The following CNBD1 variants were observed in gnomAD, a reference collection of about 807,000 sequenced individuals.
CNBD1 encodes cyclic nucleotide binding domain containing 1.
CNBD1 carries 71 observed loss-of-function variants against 54.4 expected under a neutral mutation model. The ratio of observed to expected loss-of-function variants is 1.30; its 90% CI spans 1.08 to 1.59. The LOEUF (loss-of-function observed/expected upper bound fraction) is 1.59, where lower values mean the gene tolerates loss of function less well. Ranked by LOEUF, CNBD1 falls within the 40% of genes most tolerant of loss-of-function variation. The pLI is 0.00. For synonymous variants in CNBD1, 182 were observed against 170.7 expected, an observed-to-expected ratio of 1.07 and a Z score of -0.51; for missense variants, 659 against 518.0, an observed-to-expected ratio of 1.27 and a Z score of -2.64.
intron 8 of CNBD1, among the ~76,000 whole-genome samples, chr8:87,292,226 T>C (rs1808800928): frequency 6.6e-6 from 1 of 152,196 alleles, no homozygotes; most frequent in African/African-American, 2.4e-5. Context: ...CAACCATTAA[T>C]AATGCTGAAA....
chr8:86,957,071 G>A (rs1259850297), intron 4 of CNBD1, among the ~76,000 whole-genome samples: 1 of 152,130 alleles, frequency 6.6e-6, no homozygotes, highest in Admixed American at 6.6e-5. Flanking sequence ...GGCTTTTTCT[G>A]CATCTGTTGA....
intron 4 of CNBD1, among the ~76,000 whole-genome samples, chr8:87,008,027 C>T (rs73689990): frequency 0.028 from 4,273 of 152,196 alleles, 189 homozygotes; most frequent in African/African-American, 0.095. Flanking sequence ...TGTTTTCATA[C>T]GGATTTTAAA....
At chr8:87,375,463 GTAGA>G (rs2130953145) in intron 10 of CNBD1, among the ~76,000 whole-genome samples, 1 of 151,742 alleles carries the variant, frequency 6.6e-6, no homozygotes, top group Admixed American at 6.6e-5. Context: ...AGAAATATCT[GTAGA>G]TAAAGTTATC....
At chr8:87,146,674 T>G (rs540742708) in intron 4 of CNBD1, among the ~76,000 whole-genome samples, 1 of 152,244 alleles carries the variant, frequency 6.6e-6, no homozygotes, top group East Asian at 1.9e-4. Context: ...CCTCTTTTTC[T>G]CTTACTCCTG....
At chr8:87,374,086 TC>T (rs1262235485) in intron 10 of CNBD1, among the ~76,000 whole-genome samples, 1 of 151,682 alleles carries the variant, frequency 6.6e-6, no homozygotes, top group Non-Finnish European at 1.5e-5. Flanking sequence ...CCTAAAAAAT[TC>T]CTTACAAAAT....
intron 4 of CNBD1, among the ~76,000 whole-genome samples, chr8:87,099,054 A>AAC (rs1586255291): frequency 6.7e-6 from 1 of 150,318 alleles, no homozygotes; most frequent in East Asian, 1.9e-4. Context: ...AAAAAAAAAA[A>AAC]AAAAAACAAA....
chr8:87,291,675 G>T (rs1332449004), intron 8 of CNBD1, among the ~76,000 whole-genome samples: 4 of 152,074 alleles, frequency 2.6e-5, no homozygotes, highest in African/African-American at 9.6e-5. Flanking sequence ...CAGGGGACAA[G>T]GTCTCATTAT....
chr8:87,006,762 ACTCCTCCTCTTTAAT>A (rs1403790260), intron 4 of CNBD1, among the ~76,000 whole-genome samples: 1 of 151,686 alleles, frequency 6.6e-6, no homozygotes, highest in Admixed American at 6.6e-5. Context: ...TCAGATGACA[ACTCCTCCTCTTTAAT>A]CTCCTCCTCT....
intron 2 of CNBD1, among the ~76,000 whole-genome samples, chr8:87,409,663 T>A (rs1807707108): frequency 1.3e-5 from 2 of 152,164 alleles, no homozygotes; most frequent in South Asian, 4.1e-4. Flanking sequence ...ATAAAGCTGA[T>A]GACTTCAAGT....
intron 3 of CNBD1, among the ~76,000 whole-genome samples, chr8:86,939,223 T>A (rs1586148962): frequency 1.3e-5 from 2 of 151,010 alleles, no homozygotes; most frequent in East Asian, 1.9e-4. Context: ...TCCTTGGTGC[T>A]AAAAAAAAAC....
chr8:86,899,509 C>T (rs948463965), intron 2 of CNBD1, among the ~76,000 whole-genome samples: 2 of 152,042 alleles, frequency 1.3e-5, no homozygotes, highest in Middle Eastern at 3.2e-3. Flanking sequence ...AGAATTTTCA[C>T]TTAGTTCTTC....
chr8:86,968,544 G>A (rs983635528), intron 4 of CNBD1, among the ~76,000 whole-genome samples: 15 of 152,194 alleles, frequency 9.9e-5, no homozygotes, highest in African/African-American at 2.4e-4. Context: ...AGTTAAGGAC[G>A]TGCACCAGGG....
At chr8:87,278,113 G>C (rs1229328116) in intron 6 of CNBD1, among the ~76,000 whole-genome samples, 1 of 151,522 alleles carries the variant, frequency 6.6e-6, no homozygotes, top group Non-Finnish European at 1.5e-5. Context: ...CTGGAAAGTT[G>C]ATTAGTAGAA....
chr8:86,986,397 T>C (rs1808608330), intron 4 of CNBD1, among the ~76,000 whole-genome samples: 1 of 152,196 alleles, frequency 6.6e-6, no homozygotes, highest in South Asian at 2.1e-4. Context: ...AAATTCCTTA[T>C]AGATTCTGGA....
intron 2 of CNBD1, among the ~76,000 whole-genome samples, chr8:87,422,288 A>C (rs1407288243): frequency 1.4e-5 from 2 of 144,778 alleles, no homozygotes; most frequent in East Asian, 2.0e-4. Flanking sequence ...ATTAGATCCC[A>C]TTTGTCAATT....
intron 10 of CNBD1, among the ~76,000 whole-genome samples, chr8:87,376,305 T>A (rs899596423): frequency 1.3e-5 from 2 of 151,834 alleles, no homozygotes; most frequent in Non-Finnish European, 2.9e-5. Context: ...AATAGCTGTC[T>A]TCTCCTTGTA....
intron 4 of CNBD1, among the ~76,000 whole-genome samples, chr8:87,154,715 A>G (rs1021256761): frequency 2.0e-5 from 3 of 152,210 alleles, no homozygotes; most frequent in Non-Finnish European, 2.9e-5. Context: ...ATTAACATTC[A>G]TTAAATACAC....
chr8:87,188,755 A>T (rs915389246), intron 4 of CNBD1, among the ~76,000 whole-genome samples: 4 of 151,336 alleles, frequency 2.6e-5, no homozygotes, highest in African/African-American at 9.7e-5. Context: ...TCTCAAAAAA[A>T]AAAAAAAATA....
At chr8:87,328,385 A>G (rs1346240953) in intron 8 of CNBD1, among the ~76,000 whole-genome samples, 1 of 151,336 alleles carries the variant, frequency 6.6e-6, no homozygotes. Context: ...TAATACTTTA[A>G]TTATTGTGTA....
Sources: allele counts gnomAD v4.1 joint callset (sites outside exome capture counted in the v4.1 genomes callset), GRCh38; gene constraint gnomAD v4.1.1; transcripts MANE v1.5; gene names NCBI Gene and HGNC (gene_info 2026-07-23, HGNC 2026-07-21).